Variants in ILDR2 observed in about 807,000 individuals in gnomAD.
ILDR2 encodes the protein immunoglobulin like domain containing receptor 2, also known as immunoglobulin-like domain-containing receptor 2.
A neutral mutation model predicts 66.8 loss-of-function variants in ILDR2; 25 were observed. That is an observed-to-expected ratio of 0.37 (90% confidence interval 0.27 to 0.52). The LOEUF (loss-of-function observed/expected upper bound fraction) is 0.52, where lower values mean the gene tolerates loss of function less well. Ranked by LOEUF, ILDR2 falls within the 20% of genes least tolerant of loss-of-function variation. ILDR2 has a pLI of 0.88. For missense variants in ILDR2, 827 were observed against 876.8 expected (o/e 0.94, Z 0.72); for synonymous variants, 367 against 357.2 (o/e 1.03, Z -0.31).
intron 6 of ILDR2, among the ~76,000 whole-genome samples, chr1:166,927,789 G>A (rs930537064): frequency 2.0e-5 from 3 of 152,168 alleles, no homozygotes; most frequent in African/African-American, 7.2e-5. Context: ...TTTAATTATG[G>A]TTCCATTTCA....
intron 4 of ILDR2, 129 bp downstream of exon 4, chr1:166,939,385 C>A (rs1661177807): frequency 2.7e-6 from 2 of 747,650 alleles, no homozygotes; most frequent in Admixed American, 4.3e-5. Context: ...TTTAGTTAAT[C>A]CTGGAAAAGA....
intron 9 of ILDR2, 116 bp downstream of exon 9, chr1:166,920,591 C>T (rs900248977): frequency 1.1e-5 from 13 of 1,200,438 alleles, no homozygotes; most frequent in Middle Eastern, 2.6e-4. Flanking sequence ...GCGGCCTCTC[C>T]GGCAAGGACC....
chr1:166,911,595 A>C lies in ILDR2; in HGVS notation c.*7760T>G, dbSNP rs555446411. 3.9e-5 allele frequency: 6 copies of C among 152,140 alleles called. No individual in the cohort carries two copies. The South Asian group carries it at 1.2e-3, about 32-fold the overall frequency. The allele number at this position is 152,140 out of a possible 1,614,324, so 9.4% of individuals were successfully genotyped here. A position where few individuals can be genotyped will look rare whatever the true frequency, so the allele number is the denominator to read the frequency against. On this transcript the variant is annotated 3_prime_UTR_variant, in exon 10 of 10. Transcript: ENST00000271417. ...ACCCACAAAGACTGTAGATATTGGAATTACTGGATATAAAATTTTAAGTTA... is the reference window on the plus strand; with the variant it reads ...ACCCACAAAGACTGTAGATATTGGACTTACTGGATATAAAATTTTAAGTTA...
Position 166,922,628 on chromosome 1 carries a change from C to T in ILDR2, c.1176G>A (p.Glu392=), listed in dbSNP as rs141384247. The T allele has an allele frequency of 1.9e-6, 3 of 1,614,178 alleles. No individual in the cohort carries two copies. In the South Asian group the frequency reaches 3.3e-5, roughly 18 times the overall value. The change falls in exon 8 of 10, where the codon GAG becomes GAA. Residue 392 remains glutamate (E), a synonymous_variant. Transcript: ENST00000271417. ...SGASRGPSAM[E]YNKEDRESFR... ...AGCTCTCTCGATCCTCTTTGTTATA[C>T]TCCATGGCTGAGGGCCCGCGGCTTG...
In ILDR2 at chr1:166,916,493, A is replaced by G. The variant is rs1430740513; in HGVS notation, c.*2862T>C. On this transcript the variant is annotated 3_prime_UTR_variant, in exon 10 of 10. Coordinates refer to ENST00000271417, the MANE Select transcript of ILDR2 (RefSeq NM_199351.3). ...TACACAAGATTTACTTTGTACTCCA[A>G]TAAGACCTAGGAAAGAAGCTAACAA... is the stretch of plus-strand genomic sequence containing the variant. The G allele has an allele frequency of 6.6e-6, 1 of 152,232 alleles. No individual in the cohort carries two copies. The highest frequency in any genetic ancestry group is 1.9e-4 in the East Asian group (1 of 5,198). 9.4% of individuals were successfully genotyped at this position (152,232 alleles called of 1,614,324 possible).
At position 166,921,244 on chromosome 1, in the gene ILDR2, G is replaced by A; in HGVS notation, c.1347C>T (p.His449=). The change falls in exon 9 of 10, where the codon CAC becomes CAT. Residue 449 remains histidine, a synonymous_variant. Coordinates refer to ENST00000271417, the MANE Select transcript of ILDR2 (RefSeq NM_199351.3). The surrounding 1 kb of genome is among the most constrained non-coding windows in gnomAD (Gnocchi z 5.3). The stretch of plus-strand genomic sequence containing the variant: ...CGAAGCGGCTCCCGCCCCGCGCCTC[G>A]TGACTGTTGCCGTCTGCCCGGCGGG... ...QRPRRADGNS[H]EARGGSRFER... 1 of 1,597,934 alleles carries A rather than the reference G, an allele frequency of 6.3e-7. No homozygotes were observed. The highest frequency in any genetic ancestry group is 8.5e-7 in the Non-Finnish European group (1 of 1,176,662).
chr1:166,922,568 C>G (rs1474072435), intron 8 of ILDR2, 25 bp downstream of exon 8: 2 of 1,604,368 alleles, frequency 1.2e-6, no homozygotes, highest in African/African-American at 1.3e-5. Context: ...TCACACCGAC[C>G]AGACCTGCCC....
At chr1:166,929,832 T>G (rs1660529323) in intron 6 of ILDR2, among the ~76,000 whole-genome samples, 1 of 152,238 alleles carries the variant, frequency 6.6e-6, no homozygotes, top group Non-Finnish European at 1.5e-5. Context: ...TTGGAGAATT[T>G]TGATCAGGAA....
chr1:166,933,632 T>C lies in ILDR2; in HGVS notation c.880+1669A>G, dbSNP rs939380715. ...CAGAGAGTAAGTATTTGCTATTCTA[T>C]GAATAAGAACAGTTTTATTAGATAA... On this transcript the variant is annotated intron_variant, in intron 6 of 9. Coordinates refer to ENST00000271417, the MANE Select transcript of ILDR2 (RefSeq NM_199351.3). The C allele has an allele frequency of 1.7e-5, 11 of 661,090 alleles. No individual in the cohort carries two copies. In the African/African-American group the frequency reaches 2.2e-4, roughly 13 times the overall value. The allele number at this position is 661,090 out of a possible 1,614,324, so 41.0% of individuals were successfully genotyped here.
At chr1:166,902,340 A>G (rs1235234481) in intron 2 of ILDR2, among the ~76,000 whole-genome samples, 1 of 152,184 alleles carries the variant, frequency 6.6e-6, no homozygotes, top group African/African-American at 2.4e-5. Flanking sequence ...TCCCAACAGA[A>G]CCTGAATTTG....
At chr1:166,961,299 T>G (rs968585470) in intron 1 of ILDR2, among the ~76,000 whole-genome samples, 1 of 152,192 alleles carries the variant, frequency 6.6e-6, no homozygotes, top group Non-Finnish European at 1.5e-5. Flanking sequence ...TTACTAAGAA[T>G]AGCCTCCTTC....
chr1:166,966,834 C>A (rs1010790237), intron 1 of ILDR2, among the ~76,000 whole-genome samples: 1 of 152,136 alleles, frequency 6.6e-6, no homozygotes, highest in Non-Finnish European at 1.5e-5. Context: ...TGGGATGGAA[C>A]AGCCACTTAG....
intron 2 of ILDR2, among the ~76,000 whole-genome samples, chr1:166,902,943 A>G (rs1410237076): frequency 1.3e-5 from 2 of 152,168 alleles, no homozygotes; most frequent in Non-Finnish European, 2.9e-5. Flanking sequence ...GAATAAATCA[A>G]CAAGCCTATT....
In ILDR2 at chr1:166,920,690, G is replaced by A. The variant is rs1180215998; in HGVS notation, c.1884+17C>T. 8.7e-6 allele frequency: 12 copies of A among 1,374,368 alleles called. No homozygotes were observed. The highest frequency in any genetic ancestry group is 1.8e-5 in the South Asian group (1 of 54,332). 85.1% of individuals were successfully genotyped at this position (1,374,368 alleles called of 1,614,324 possible). A position where few individuals can be genotyped will look rare whatever the true frequency, so the allele number is the denominator to read the frequency against. The stretch of plus-strand genomic sequence containing the variant: ...CGCTCAGTCCCCTCGGAGGAGGGGA[G>A]GCAGACGCAGTCTCACGGTTTTCTT... On this transcript the variant is annotated intron_variant, in intron 9 of 9. Transcript: ENST00000271417.
At position 166,913,453 on chromosome 1, in the gene ILDR2, G is replaced by C. The variant is rs1659520111; in HGVS notation, c.*5902C>G. The C allele has an allele frequency of 6.6e-6, 1 of 151,916 alleles. No individual in the cohort carries two copies. The allele number at this position is 151,916 out of a possible 1,614,324, so 9.4% of individuals were successfully genotyped here. On this transcript the variant is annotated 3_prime_UTR_variant, in exon 10 of 10. Coordinates refer to ENST00000271417, the MANE Select transcript of ILDR2 (RefSeq NM_199351.3). ...TTATGCAGTCGTGTCTAATACTTTT[G>C]TTAATAAAATGGCTTTTCCTTAAAG...
At chr1:166,906,079 G>A (rs1019243479), downstream of ILDR2, among the ~76,000 whole-genome samples, 1 of 152,140 alleles carries the variant, frequency 6.6e-6, no homozygotes, top group African/African-American at 2.4e-5. Context: ...AAGTGTTTGC[G>A]CTTATTCAAC....
chr1:166,901,524 C>A (rs147307090), intron 2 of ILDR2, among the ~76,000 whole-genome samples: 3 of 152,148 alleles, frequency 2.0e-5, no homozygotes, highest in Admixed American at 2.0e-4. Context: ...CTCTTCCCTC[C>A]CTCATCCTGA....
intron 1 of ILDR2, among the ~76,000 whole-genome samples, chr1:166,965,013 T>C (rs1388681316): frequency 6.6e-6 from 1 of 152,192 alleles, no homozygotes; most frequent in Non-Finnish European, 1.5e-5. Context: ...CTAAAGGTCA[T>C]GGAAAATTAT....
chr1:166,947,672 C>A (rs946513468), intron 3 of ILDR2, among the ~76,000 whole-genome samples: 1 of 152,136 alleles, frequency 6.6e-6, no homozygotes, highest in African/African-American at 2.4e-5. Flanking sequence ...CCCGTTTCCT[C>A]CCCCGCTCGG....
Sources: gnomAD v4.1 joint callset for allele counts (sites outside exome capture counted in the v4.1 genomes callset) on GRCh38, gnomAD v4.1.1 for gene constraint, Gnocchi (gnomAD v3.1) non-coding constraint, MANE v1.5 for transcripts, NCBI Gene and HGNC (gene_info 2026-07-23, HGNC 2026-07-21) for gene names.